The following SCAP variants were observed in gnomAD, a reference collection of about 807,000 sequenced individuals.
SCAP encodes the protein SREBF chaperone.
SCAP carries 65 observed loss-of-function variants against 123.6 expected under a neutral mutation model. That is an observed-to-expected ratio of 0.53 (90% CI 0.43 to 0.65). SCAP has a LOEUF of 0.65. Ranked by LOEUF, SCAP falls within the 30% of genes least tolerant of loss-of-function variation. The pLI, the probability that SCAP is intolerant of heterozygous loss-of-function variation, is 0.00. For missense variants in SCAP, 1,398 were observed against 1,712.5 expected (o/e 0.82, Z 3.24); for synonymous variants, 740 against 726.3 (o/e 1.02, Z -0.30).
intron 18 of SCAP, among the ~76,000 whole-genome samples, chr3:47,416,102 C>T (rs955346728): frequency 4.6e-5 from 7 of 152,220 alleles, no homozygotes; most frequent in Non-Finnish European, 1.5e-5. Flanking sequence ...AAGGGACGCC[C>T]CCTCCCCAAG....
chr3:47,414,150 C>G (rs748133425), intron 22 of SCAP, 30 bp downstream of exon 22: 10 of 1,613,604 alleles, frequency 6.2e-6, no homozygotes, highest in Non-Finnish European at 8.5e-6. Flanking sequence ...CCTAAAATCC[C>G]AAGAATCCTA....
intron 20 of SCAP, 22 bp from the exon 21 acceptor site, chr3:47,414,674 G>A (rs776328252): frequency 1.9e-6 from 3 of 1,612,932 alleles, no homozygotes; most frequent in Non-Finnish European, 2.5e-6. Flanking sequence ...ATGGGCCTCA[G>A]GTTCTGGTCT....
chr3:47,469,340 G>A (rs548195185), intron 1 of SCAP, among the ~76,000 whole-genome samples: 12 of 152,024 alleles, frequency 7.9e-5, no homozygotes, highest in East Asian at 3.9e-4. Flanking sequence ...AGGAGACTCC[G>A]TCTCAAAAAA....
chr3:47,417,093 C>T, intron 18 of SCAP, 29 bp downstream of exon 18: 2 of 1,602,076 alleles, frequency 1.2e-6, no homozygotes, highest in Non-Finnish European at 1.7e-6. Context: ...AGGCTGGGGA[C>T]ATCTGGGGCT....
At chr3:47,469,402 C>A (rs1707953260) in intron 1 of SCAP, among the ~76,000 whole-genome samples, 1 of 152,182 alleles carries the variant, frequency 6.6e-6, no homozygotes, top group African/African-American at 2.4e-5. Context: ...TGTTCGGTCA[C>A]CCAGGCTGGA....
chr3:47,473,080 C>CAAAAAA (rs34472664), intron 1 of SCAP, among the ~76,000 whole-genome samples: 748 of 37,066 alleles, frequency 0.02, 111 homozygotes, highest in African/African-American at 0.052. Flanking sequence ...AACTCCATCT[C>CAAAAAA]AAAAAAAAAA....
Position 47,425,532 on chromosome 3 carries a change from A to G in SCAP, c.990T>C (p.Ser330=). The change falls in exon 8 of 23, where the codon TCT becomes TCC. Residue 330 remains serine, a synonymous_variant. Transcript: ENST00000265565. ...VVTVLSSLLM[S]VGLCTLFGLT... is the part of the protein sequence containing the mutation. ...GGCCGAAGAGTGTGCAGAGTCCCAC[A>G]GACATGAGCAGCGAGCTGAGCACTG... 1.2e-6 allele frequency: 2 copies of G among 1,614,078 alleles called. No individual in the cohort carries two copies. The highest frequency in any genetic ancestry group is 1.7e-6 in the Non-Finnish European group (2 of 1,180,044).
intron 1 of SCAP, 93 bp from the exon 2 acceptor site, chr3:47,443,184 A>G: frequency 1.2e-6 from 1 of 848,122 alleles, no homozygotes; most frequent in South Asian, 1.7e-5. Flanking sequence ...TGGCTGGGGA[A>G]TGGTTTCAGA....
intron 1 of SCAP, among the ~76,000 whole-genome samples, chr3:47,465,807 G>A (rs1345648653): frequency 4.1e-5 from 6 of 146,446 alleles, no homozygotes; most frequent in African/African-American, 1.0e-4. Flanking sequence ...ATCCATGAAC[G>A]TGGGATTTCT....
At chr3:47,460,513 T>C (rs1384161149) in intron 1 of SCAP, among the ~76,000 whole-genome samples, 1 of 152,228 alleles carries the variant, frequency 6.6e-6, no homozygotes, top group Admixed American at 6.5e-5. Context: ...TCGGGGTCCC[T>C]GACTTCCCAC....
At chr3:47,415,975 G>A (rs1003782705) in intron 18 of SCAP, among the ~76,000 whole-genome samples, 4 of 152,204 alleles carry the variant, frequency 2.6e-5, no homozygotes, top group Non-Finnish European at 5.9e-5. Flanking sequence ...AAGCATGGAG[G>A]GGCCTGGTGA....
chr3:47,455,093 AT>A (rs371191559), intron 1 of SCAP, among the ~76,000 whole-genome samples: 184 of 96,510 alleles, frequency 1.9e-3, no homozygotes, highest in South Asian at 5.6e-3. Flanking sequence ...ATATATATAT[AT>A]AATCAACTGA....
At chr3:47,428,404 G>C in intron 4 of SCAP, 109 bp downstream of exon 4, 1 of 1,170,188 alleles carries the variant, frequency 8.5e-7, no homozygotes, top group South Asian at 1.5e-5. Flanking sequence ...CTTCTTGCTT[G>C]TTCTATCTCT....
chr3:47,461,090 T>C (rs145164644), intron 1 of SCAP, among the ~76,000 whole-genome samples: 1 of 152,218 alleles, frequency 6.6e-6, no homozygotes, highest in African/African-American at 2.4e-5. Context: ...ACCCCCTCCA[T>C]GCCCACCAGC....
At chr3:47,428,458 T>C in intron 4 of SCAP, 55 bp downstream of exon 4, 1 of 1,558,942 alleles carries the variant, frequency 6.4e-7, no homozygotes. Flanking sequence ...GGACTGTAAC[T>C]CTCCCTTCAG....
Position 47,414,078 on chromosome 3 carries a change from A to G in SCAP, c.3616T>C (p.Leu1206=). Residue 1206 remains leucine, a synonymous_variant, in exon 23 of 23, where the codon TTG becomes CTG. Transcript: ENST00000265565. ...AGCAGGTTGTCTGAGATGACACCCAAGCTTGCACCACAGCCCAGGTCCTGG... is the reference window on the plus strand; with the variant it reads ...AGCAGGTTGTCTGAGATGACACCCAGGCTTGCACCACAGCCCAGGTCCTGG... The part of the protein sequence containing the change: ...IQQDLGCGAS[L]GVISDNLLVT... The G allele has an allele frequency of 6.2e-7, 1 of 1,613,418 alleles. No individual in the cohort carries two copies. Among genetic ancestry groups the G allele is most frequent in the Non-Finnish European group, 8.5e-7 (1 of 1,180,010 alleles).
chr3:47,426,987 G>A (rs779479896), intron 6 of SCAP, among the ~76,000 whole-genome samples, 170 bp downstream of exon 6: 3 of 152,162 alleles, frequency 2.0e-5, no homozygotes, highest in Non-Finnish European at 4.4e-5. Flanking sequence ...CCATTAAAAT[G>A]TGGTAGACAG....
chr3:47,469,595 G>C (rs927276656), intron 1 of SCAP, among the ~76,000 whole-genome samples: 2 of 152,182 alleles, frequency 1.3e-5, no homozygotes, highest in Non-Finnish European at 2.9e-5. Flanking sequence ...CTGACCTCAA[G>C]TGATCCACCC....
At chr3:47,432,770 T>C (rs1706418741) in intron 3 of SCAP, among the ~76,000 whole-genome samples, 1 of 152,330 alleles carries the variant, frequency 6.6e-6, no homozygotes, top group South Asian at 2.1e-4. Context: ...CTTAAACTCC[T>C]GGGCTCAAGC....
Sources: allele counts gnomAD v4.1 joint callset (sites outside exome capture counted in the v4.1 genomes callset), GRCh38; gene constraint gnomAD v4.1.1; transcripts MANE v1.5; gene names NCBI Gene and HGNC (gene_info 2026-07-23, HGNC 2026-07-21).